The following SPON1 variants were observed in gnomAD, a reference collection of about 807,000 sequenced individuals.
The protein encoded by SPON1 is spondin 1.
SPON1 carries 52 observed loss-of-function variants against 111.7 expected under a neutral mutation model. The ratio of observed to expected loss-of-function variants is 0.47; its 90% confidence interval spans 0.37 to 0.59. The LOEUF is 0.59. Ranked by LOEUF, SPON1 falls within the 20% of genes least tolerant of loss-of-function variation. The pLI, the probability that SPON1 is intolerant of heterozygous loss-of-function variation, is 0.00. For missense variants in SPON1, 957 were observed against 1,068.5 expected, an observed-to-expected ratio of 0.90 and a Z score of 1.46; for synonymous variants, 410 against 395.8, an observed-to-expected ratio of 1.04 and a Z score of -0.43.
chr11:14,140,886 G>T (rs1847646119), intron 6 of SPON1, among the ~76,000 whole-genome samples: 1 of 152,078 alleles, frequency 6.6e-6, no homozygotes, highest in Non-Finnish European at 1.5e-5. Context: ...AGAGCAATTG[G>T]GAGTTCCATT....
intron 6 of SPON1, among the ~76,000 whole-genome samples, chr11:14,186,558 C>T (rs1187322294): frequency 6.6e-6 from 1 of 152,186 alleles, no homozygotes; most frequent in African/African-American, 2.4e-5. Context: ...TTTAACCATG[C>T]CCTACATAAT....
At chr11:14,210,921 G>A (rs1848568674) in intron 6 of SPON1, among the ~76,000 whole-genome samples, 1 of 152,116 alleles carries the variant, frequency 6.6e-6, no homozygotes, top group Admixed American at 6.6e-5. Context: ...GTAGATGTGT[G>A]GCATTATTTC....
At chr11:14,029,977 G>A (rs1193557239) in intron 2 of SPON1, among the ~76,000 whole-genome samples, 1 of 152,182 alleles carries the variant, frequency 6.6e-6, no homozygotes, top group African/African-American at 2.4e-5. Context: ...TAGGCTGCTG[G>A]ACTCTCCTAG....
chr11:14,247,793 C>T (rs1849009133), intron 7 of SPON1, among the ~76,000 whole-genome samples: 1 of 152,182 alleles, frequency 6.6e-6, no homozygotes, highest in Non-Finnish European at 1.5e-5. Flanking sequence ...GGGATCAGTT[C>T]TAAGTGTAAG....
chr11:14,196,882 T>G (rs1044375796), intron 6 of SPON1, among the ~76,000 whole-genome samples: 1 of 152,200 alleles, frequency 6.6e-6, no homozygotes, highest in Non-Finnish European at 1.5e-5. Context: ...AAACTCTGTC[T>G]CTACTAAAAA....
chr11:14,085,147 A>C (rs138184959), intron 5 of SPON1, among the ~76,000 whole-genome samples: 1 of 152,178 alleles, frequency 6.6e-6, no homozygotes, highest in Non-Finnish European at 1.5e-5. Context: ...TCTTTAGTTT[A>C]GTAAGATCCC....
intron 5 of SPON1, among the ~76,000 whole-genome samples, chr11:14,132,734 C>T (rs113167027): frequency 6.6e-6 from 1 of 152,096 alleles, no homozygotes; most frequent in African/African-American, 2.4e-5. Context: ...TACATGTTCC[C>T]ATTATCTTAT....
chr11:14,191,803 AC>A (rs1848350007), intron 6 of SPON1, among the ~76,000 whole-genome samples: 1 of 152,362 alleles, frequency 6.6e-6, no homozygotes, highest in African/African-American at 2.4e-5. Context: ...TAATGGTCAG[AC>A]AAGAGACAGT....
intron 7 of SPON1, among the ~76,000 whole-genome samples, chr11:14,245,899 T>G (rs1554940212): frequency 6.6e-6 from 1 of 152,240 alleles, no homozygotes; most frequent in African/African-American, 2.4e-5. Flanking sequence ...ATCTCATCCC[T>G]GTCCTACCAA....
intron 5 of SPON1, among the ~76,000 whole-genome samples, chr11:14,123,139 C>A (rs992963003): frequency 6.6e-6 from 1 of 151,916 alleles, no homozygotes; most frequent in African/African-American, 2.4e-5. Context: ...CACTATGTTG[C>A]CCAGGTTGAT....
chr11:14,263,750 C>T (rs11023165), intron 15 of SPON1, among the ~76,000 whole-genome samples: 22,012 of 151,694 alleles, frequency 0.15, 1,790 homozygotes, highest in African/African-American at 0.18. Flanking sequence ...CATTCCAGGC[C>T]GGGCACGGTG....
rs1277903384 is a variant in SPON1 at position 14,057,844 on chromosome 11, C to CAAAAACAAAAA, written c.479+16194_479+16195insACAAAAAAAAA. Reference sequence around the variant, plus strand: ...ACCTTGTCTCTACAAAAAAAAAAAACAAAACAAAAACTTAAAAATAAAATT... The same window carrying CAAAAACAAAAA: ...ACCTTGTCTCTACAAAAAAAAAAAACAAAAACAAAAAAAAACAAAAACTTAAAAATAAAATT... On this transcript the variant is annotated intron_variant, in intron 3 of 15. Transcript: ENST00000576479. 5.5e-4 allele frequency among the ~76,000 whole-genome samples: 69 copies of CAAAAACAAAAA among 125,526 alleles called. 2 individuals are homozygous for CAAAAACAAAAA. The highest frequency in any genetic ancestry group is 8.8e-4 in the Non-Finnish European group (52 of 59,420). The allele number at this position is 125,526 out of a possible 152,430, so 82.3% of individuals were successfully genotyped here.
intron 3 of SPON1, among the ~76,000 whole-genome samples, chr11:14,055,147 T>C (rs1554919039): frequency 6.6e-6 from 1 of 152,216 alleles, no homozygotes. Context: ...AAGAACCTCT[T>C]TGACATTGCC....
At position 14,262,695 on chromosome 11, in the gene SPON1, C is replaced by T. The variant is rs782279156; in HGVS notation, c.1997-17C>T. ...TTCAGACATGTGATACACTCATGCCCATCTGTGTCTTGCCAGCCATTGACT... is the reference window on the plus strand; with the variant it reads ...TTCAGACATGTGATACACTCATGCCTATCTGTGTCTTGCCAGCCATTGACT... On this transcript the variant is annotated splice_polypyrimidine_tract_variant and intron_variant, in intron 14 of 15. Coordinates refer to ENST00000576479, the MANE Select transcript of SPON1 (RefSeq NM_006108.4). The T allele has an allele frequency of 5.1e-5, 83 of 1,613,658 alleles. No individual in the cohort carries two copies. The highest frequency in any genetic ancestry group is 7.0e-5 in the Non-Finnish European group (82 of 1,179,816).
At chr11:14,141,029 C>CCCCCCCCCA (rs71041572) in intron 6 of SPON1, among the ~76,000 whole-genome samples, 19 of 132,274 alleles carry the variant, frequency 1.4e-4, no homozygotes, top group Non-Finnish European at 2.1e-4. Context: ...GTGCCCCCCC[C>CCCCCCCCCA]ATGCCCCACT....
chr11:14,265,710 C>T lies in SPON1; in HGVS notation c.*23C>T. The T allele has an allele frequency of 5.6e-6, 9 of 1,608,580 alleles. No homozygotes were observed. Among genetic ancestry groups the T allele is most frequent in the South Asian group, 2.2e-5 (2 of 89,918 alleles). ...TAGCAAGGGTACGAGTTCCCCAGGG[C>T]TGCACTCTAGATTCCAGAGTCACCA... is the stretch of plus-strand genomic sequence containing the variant. On this transcript the variant is annotated 3_prime_UTR_variant, in exon 16 of 16. Transcript: ENST00000576479.
intron 2 of SPON1, among the ~76,000 whole-genome samples, chr11:14,026,106 C>G (rs1305581578): frequency 6.6e-6 from 1 of 152,232 alleles, no homozygotes; most frequent in Non-Finnish European, 1.5e-5. Context: ...CAGCTTCCAG[C>G]TCAATTGCCT....
intron 13 of SPON1, among the ~76,000 whole-genome samples, chr11:14,260,204 C>T (rs1554941764): frequency 6.6e-6 from 1 of 152,190 alleles, no homozygotes; most frequent in African/African-American, 2.4e-5. Flanking sequence ...CTAGGGAATT[C>T]AGGACAATGT....
intron 2 of SPON1, among the ~76,000 whole-genome samples, chr11:14,005,885 C>G (rs1401870387): frequency 6.6e-6 from 1 of 152,100 alleles, no homozygotes; most frequent in Non-Finnish European, 1.5e-5. Context: ...CAATTCTGCT[C>G]TATGACCTCT....
Sources: gnomAD v4.1 joint callset for allele counts (sites outside exome capture counted in the v4.1 genomes callset) on GRCh38, gnomAD v4.1.1 for gene constraint, MANE v1.5 for transcripts, NCBI Gene and HGNC (gene_info 2026-07-23, HGNC 2026-07-21) for gene names.